The following KCNU1 variants were observed in gnomAD, a reference collection of about 807,000 sequenced individuals.
KCNU1 encodes potassium channel subfamily U member 1.
Under a neutral mutation model 126.8 loss-of-function variants are expected in KCNU1, and 93 were observed. The ratio of observed to expected loss-of-function variants is 0.73; its 90% CI spans 0.62 to 0.87. The LOEUF is 0.87. Among genes scored for constraint, KCNU1 ranks in the 40% least tolerant of loss-of-function variants. The probability of loss-of-function intolerance (pLI) is 0.00; values close to 1 mark genes in which losing one functional copy is unlikely to be tolerated. For missense variants in KCNU1, 1,330 were observed against 1,367.1 expected (o/e 0.97, Z 0.43); for synonymous variants, 523 against 494.2 (o/e 1.06, Z -0.77).
At position 36,836,776 on chromosome 8, in the gene KCNU1, T is replaced by C; in HGVS notation, c.1366-17T>C. On this transcript the variant is annotated splice_polypyrimidine_tract_variant and intron_variant, in intron 13 of 26. Transcript: ENST00000399881. The stretch of plus-strand genomic sequence containing the variant: ...TGTTTATTCCTAATGTTTGACCTGC[T>C]TTGTGCTATGGAACAGGTTTATCTG... 6.2e-7 allele frequency: 1 copy of C among 1,613,164 alleles called. No individual in the cohort carries two copies. The highest frequency in any genetic ancestry group is 1.1e-5 in the South Asian group (1 of 91,058).
Position 36,922,483 on chromosome 8 carries a change from C to T in KCNU1, c.2597-7C>T, listed in dbSNP as rs1563338426. The T allele has an allele frequency of 6.2e-7, 1 of 1,606,866 alleles. No homozygotes were observed. On this transcript the variant is annotated splice_polypyrimidine_tract_variant and splice_region_variant and intron_variant, in intron 23 of 26. Transcript: ENST00000399881. The stretch of plus-strand genomic sequence containing the variant: ...CTTGTCTTTCCTTTTTGCCTCTTGC[C>T]TTGCAGAAAATCCTTCCAACATTCA...
At chr8:36,909,977 C>T (rs1237375131) in intron 21 of KCNU1, among the ~76,000 whole-genome samples, 1 of 152,058 alleles carries the variant, frequency 6.6e-6, no homozygotes, top group Non-Finnish European at 1.5e-5. Flanking sequence ...TTTATATGGA[C>T]CATATAATGC....
chr8:36,881,829 CA>C (rs1806492720), intron 19 of KCNU1, among the ~76,000 whole-genome samples: 1 of 151,704 alleles, frequency 6.6e-6, no homozygotes, highest in Non-Finnish European at 1.5e-5. Flanking sequence ...CACACACACA[CA>C]CACACACACA....
At chr8:36,919,698 G>A (rs566453279) in intron 23 of KCNU1, among the ~76,000 whole-genome samples, 1 of 152,170 alleles carries the variant, frequency 6.6e-6, no homozygotes, top group Admixed American at 6.5e-5. Flanking sequence ...AGCGCAGATT[G>A]AACCAATTCA....
At position 36,922,381 on chromosome 8, in the gene KCNU1, A is replaced by G. The variant is rs142516646; in HGVS notation, c.2597-109A>G. The G allele has an allele frequency of 2.1e-4, 252 of 1,174,200 alleles. 3 individuals are homozygous for G. In the African/African-American group the frequency reaches 3.3e-3, roughly 16 times the overall value. 72.7% of individuals were successfully genotyped at this position (1,174,200 alleles called of 1,614,324 possible). On this transcript the variant is annotated intron_variant, in intron 23 of 26. Coordinates refer to ENST00000399881, the MANE Select transcript of KCNU1 (RefSeq NM_001031836.3). ...GTTGATCCCACAGAGACCCCAAAGT[A>G]GACATCAGATCTTTTGATCAAGTGG...
At chr8:36,793,944 C>A (rs1802996132) in intron 2 of KCNU1, among the ~76,000 whole-genome samples, 1 of 151,024 alleles carries the variant, frequency 6.6e-6, no homozygotes, top group South Asian at 2.1e-4. Flanking sequence ...ATCCCAGCTA[C>A]TCAGGAGGCT....
intron 22 of KCNU1, among the ~76,000 whole-genome samples, chr8:36,914,802 G>T (rs1016847000): frequency 6.6e-6 from 1 of 152,152 alleles, no homozygotes; most frequent in Non-Finnish European, 1.5e-5. Context: ...CAGTAATTAA[G>T]CCTGACAACT....
intron 24 of KCNU1, among the ~76,000 whole-genome samples, chr8:36,923,517 T>C (rs747034624): frequency 6.6e-6 from 1 of 151,932 alleles, no homozygotes; most frequent in African/African-American, 2.4e-5. Flanking sequence ...TCAGAAGCAG[T>C]GAGGTGGGAG....
At chr8:36,873,184 G>A (rs1806164509) in intron 19 of KCNU1, among the ~76,000 whole-genome samples, 1 of 152,148 alleles carries the variant, frequency 6.6e-6, no homozygotes, top group Non-Finnish European at 1.5e-5. Flanking sequence ...AAGAGAGGTA[G>A]ACCCTGTCTC....
intron 23 of KCNU1, among the ~76,000 whole-genome samples, chr8:36,919,678 C>T (rs181407161): frequency 5.3e-4 from 80 of 152,268 alleles, no homozygotes; most frequent in Non-Finnish European, 9.1e-4. Context: ...AAGAGGAGAA[C>T]GGTGCCACTA....
chr8:36,922,387 C>A, intron 23 of KCNU1, 103 bp from the exon 24 acceptor site: 1 of 1,240,256 alleles, frequency 8.1e-7, no homozygotes, highest in Non-Finnish European at 1.1e-6. Context: ...AAGTAGACAT[C>A]AGATCTTTTG....
At chr8:36,831,381 T>G (rs1281801342) in intron 10 of KCNU1, among the ~76,000 whole-genome samples, 2 of 151,530 alleles carry the variant, frequency 1.3e-5, no homozygotes, top group East Asian at 1.9e-4. Context: ...ACCAACAGTG[T>G]AAAAGTGTTC....
intron 18 of KCNU1, among the ~76,000 whole-genome samples, chr8:36,854,381 C>T (rs983034045): frequency 1.3e-5 from 2 of 151,850 alleles, no homozygotes; most frequent in African/African-American, 4.8e-5. Flanking sequence ...CCCAGCGGTC[C>T]CTTAGGCTGT....
chr8:36,866,348 G>A (rs1314706301), intron 19 of KCNU1, among the ~76,000 whole-genome samples: 3 of 152,240 alleles, frequency 2.0e-5, no homozygotes, highest in Non-Finnish European at 2.9e-5. Flanking sequence ...CCCTCCCAAA[G>A]GTGGGGTTGG....
chr8:36,841,175 G>C (rs1462828348), intron 16 of KCNU1, among the ~76,000 whole-genome samples, 172 bp downstream of exon 16: 2 of 151,200 alleles, frequency 1.3e-5, no homozygotes, highest in African/African-American at 4.9e-5. Context: ...CTGCTGTGCT[G>C]TCTCTGATGG....
At chr8:36,873,880 A>T (rs969086058) in intron 19 of KCNU1, among the ~76,000 whole-genome samples, 6 of 152,216 alleles carry the variant, frequency 3.9e-5, no homozygotes, top group Admixed American at 2.0e-4. Context: ...AATTAGATTT[A>T]TAACACTTTT....
chr8:36,887,807 G>T (rs1377778180), intron 19 of KCNU1, among the ~76,000 whole-genome samples: 3 of 152,032 alleles, frequency 2.0e-5, no homozygotes, highest in Non-Finnish European at 4.4e-5. Context: ...TTAGGTGTAG[G>T]GTACATGACT....
At chr8:36,876,628 G>A (rs1806286925) in intron 19 of KCNU1, among the ~76,000 whole-genome samples, 1 of 152,084 alleles carries the variant, frequency 6.6e-6, no homozygotes, top group South Asian at 2.1e-4. Context: ...CAGATCTGTG[G>A]CGCTGCCTCA....
intron 2 of KCNU1, among the ~76,000 whole-genome samples, chr8:36,797,339 TC>T: frequency 6.6e-6 from 1 of 152,286 alleles, no homozygotes. Context: ...TTTTTTGGCA[TC>T]CTCTAATGTG....
Sources: gnomAD v4.1 joint callset for allele counts (sites outside exome capture counted in the v4.1 genomes callset) on GRCh38, gnomAD v4.1.1 for gene constraint, MANE v1.5 for transcripts, NCBI Gene and HGNC (gene_info 2026-07-23, HGNC 2026-07-21) for gene names.